AK5: variants seen among roughly 807,000 people sequenced by gnomAD.
AK5 encodes the protein adenylate kinase 5.
AK5 carries 27 observed loss-of-function variants against 69.5 expected under a neutral mutation model. The observed-to-expected ratio is 0.39, with a 90% CI of 0.29 to 0.54. The LOEUF is 0.54. Ranked by LOEUF, AK5 falls within the 20% of genes least tolerant of loss-of-function variation. AK5 has a pLI of 0.71. For missense variants in AK5, 531 were observed against 700.4 expected, an observed-to-expected ratio of 0.76 and a Z score of 2.73; for synonymous variants, 260 against 244.4, an observed-to-expected ratio of 1.06 and a Z score of -0.60.
chr1:77,531,795 T>C (rs1570320161), intron 12 of AK5, among the ~76,000 whole-genome samples: 1 of 91,746 alleles, frequency 1.1e-5, no homozygotes, highest in Non-Finnish European at 2.0e-5. Context: ...CTGGGCGCCG[T>C]GGAGCAGGGG....
chr1:77,477,866 A>G (rs1267958105), intron 8 of AK5, among the ~76,000 whole-genome samples: 1 of 152,108 alleles, frequency 6.6e-6, no homozygotes, highest in African/African-American at 2.4e-5. Context: ...CAAACAAGTT[A>G]CTCTGAACTG....
At chr1:77,393,171 T>C (rs6694630) in intron 6 of AK5, among the ~76,000 whole-genome samples, 32,391 of 152,072 alleles carry the variant, frequency 0.21, 3,648 homozygotes, top group East Asian at 0.4. Context: ...GCTAGTAAAA[T>C]CTTTTAAAAC....
At chr1:77,492,571 T>A (rs1326552532) in intron 10 of AK5, among the ~76,000 whole-genome samples, 1 of 152,168 alleles carries the variant, frequency 6.6e-6, no homozygotes, top group African/African-American at 2.4e-5. Flanking sequence ...CACTTAGGGA[T>A]CTCAAAGGGA....
chr1:77,462,378 A>G (rs573926241), intron 8 of AK5, among the ~76,000 whole-genome samples: 1 of 152,140 alleles, frequency 6.6e-6, no homozygotes, highest in African/African-American at 2.4e-5. Context: ...GATGATTTAT[A>G]TGTGAGTCCT....
intron 12 of AK5, among the ~76,000 whole-genome samples, chr1:77,522,256 A>G (rs1233938994): frequency 1.3e-5 from 2 of 151,902 alleles, no homozygotes; most frequent in African/African-American, 4.8e-5. Context: ...CTTACCTTCT[A>G]CCATCTAAGT....
intron 13 of AK5, among the ~76,000 whole-genome samples, chr1:77,552,495 A>T (rs1249264692): frequency 6.6e-6 from 1 of 152,212 alleles, no homozygotes; most frequent in East Asian, 1.9e-4. Flanking sequence ...GTGAATTGCA[A>T]CAAGTAAATG....
At chr1:77,412,729 T>C (rs1463396473) in intron 7 of AK5, among the ~76,000 whole-genome samples, 1 of 152,024 alleles carries the variant, frequency 6.6e-6, no homozygotes, top group African/African-American at 2.4e-5. Context: ...ACTGTTTTTT[T>C]CTCTCTCAAC....
At chr1:77,361,442 T>C (rs1646862831) in intron 6 of AK5, among the ~76,000 whole-genome samples, 1 of 152,132 alleles carries the variant, frequency 6.6e-6, no homozygotes, top group Non-Finnish European at 1.5e-5. Flanking sequence ...TAAGACTAAG[T>C]GAAATAATAT....
At chr1:77,529,433 A>C (rs1658460624) in intron 12 of AK5, among the ~76,000 whole-genome samples, 1 of 150,656 alleles carries the variant, frequency 6.6e-6, no homozygotes, top group Admixed American at 6.6e-5. Context: ...TCCTGGGCTC[A>C]AGTGATTCTC....
intron 10 of AK5, among the ~76,000 whole-genome samples, chr1:77,512,229 ATG>A (rs1185363812): frequency 2.0e-5 from 3 of 152,006 alleles, no homozygotes; most frequent in East Asian, 3.9e-4. Flanking sequence ...ATATATACGT[ATG>A]TGTGTGTGTG....
chr1:77,374,326 A>C (rs1344501124), intron 6 of AK5, among the ~76,000 whole-genome samples: 2 of 151,714 alleles, frequency 1.3e-5, no homozygotes, highest in Non-Finnish European at 2.9e-5. Context: ...TTCTCCAAGT[A>C]GTTATCATGA....
At chr1:77,552,966 G>C (rs1659892610) in intron 13 of AK5, among the ~76,000 whole-genome samples, 1 of 152,180 alleles carries the variant, frequency 6.6e-6, no homozygotes, top group Non-Finnish European at 1.5e-5. Flanking sequence ...CTTGAGCCCA[G>C]GAGTTAGAGG....
At chr1:77,349,588 T>C (rs932309712) in intron 6 of AK5, 7 of 152,204 alleles carry the variant, frequency 4.6e-5, no homozygotes, top group African/African-American at 1.7e-4. Flanking sequence ...TCATTTCTGT[T>C]TTTTAGAAAA....
intron 6 of AK5, among the ~76,000 whole-genome samples, chr1:77,373,504 A>ATCACTTGAGG (rs1323460306): frequency 2.6e-4 from 39 of 152,262 alleles, no homozygotes; most frequent in Non-Finnish European, 5.1e-4. Context: ...AGGCGGGTGG[A>ATCACTTGAGG]TCACTTGAGG....
intron 6 of AK5, among the ~76,000 whole-genome samples, chr1:77,353,106 T>C (rs1662299970): frequency 6.6e-6 from 1 of 152,212 alleles, no homozygotes; most frequent in South Asian, 2.1e-4. Flanking sequence ...ACTAACATAC[T>C]GTATCCAGTG....
At chr1:77,433,684 G>A (rs1485856579) in intron 8 of AK5, among the ~76,000 whole-genome samples, 2 of 152,100 alleles carry the variant, frequency 1.3e-5, no homozygotes, top group African/African-American at 2.4e-5. Context: ...CCAAGCAGCT[G>A]TAAACTATAG....
chr1:77,440,060 A>G (rs1652226916), intron 8 of AK5, among the ~76,000 whole-genome samples: 1 of 152,058 alleles, frequency 6.6e-6, no homozygotes, highest in Admixed American at 6.6e-5. Context: ...TGGTGTATCT[A>G]TTCCACCAGT....
chr1:77,367,884 A>T (rs1380327998), intron 6 of AK5, among the ~76,000 whole-genome samples: 2 of 14,446 alleles, frequency 1.4e-4, no homozygotes, highest in African/African-American at 2.2e-4. Flanking sequence ...TATAATATAA[A>T]ATATATGTGA....
At chr1:77,472,284 C>T (rs780563145) in intron 8 of AK5, among the ~76,000 whole-genome samples, 14 of 152,186 alleles carry the variant, frequency 9.2e-5, no homozygotes, top group African/African-American at 2.2e-4. Context: ...CCCTCCTTAA[C>T]GCATAGGGGA....
Sources: allele counts gnomAD v4.1 joint callset (sites outside exome capture counted in the v4.1 genomes callset), GRCh38; gene constraint gnomAD v4.1.1; transcripts MANE v1.5; gene names NCBI Gene and HGNC (gene_info 2026-07-23, HGNC 2026-07-21).